VTI1B: variants seen among roughly 807,000 people sequenced by gnomAD.
VTI1B encodes vesicle transport through interaction with t-SNAREs homolog 1B.
VTI1B carries 18 observed loss-of-function variants against 28.6 expected under a neutral mutation model. The observed-to-expected ratio is 0.63, with a 90% CI of 0.43 to 0.93. The LOEUF (loss-of-function observed/expected upper bound fraction) is 0.93, where lower values mean the gene tolerates loss of function less well. VTI1B is among the 40% of genes least tolerant of loss of function. VTI1B has a pLI of 0.00. For missense variants in VTI1B, 283 were observed against 297.0 expected, an observed-to-expected ratio of 0.95 and a Z score of 0.35; for synonymous variants, 100 against 107.9, an observed-to-expected ratio of 0.93 and a Z score of 0.46.
chr14:67,657,496 C>T (rs2037273246), intron 3 of VTI1B, among the ~76,000 whole-genome samples: 1 of 152,106 alleles, frequency 6.6e-6, no homozygotes, highest in African/African-American at 2.4e-5. Context: ...TAAATACAGA[C>T]AGCAGGAAGA....
chr14:67,660,582 TCTC>T (rs2140824301), intron 2 of VTI1B, among the ~76,000 whole-genome samples: 1 of 152,318 alleles, frequency 6.6e-6, no homozygotes, highest in East Asian at 1.9e-4. Flanking sequence ...GTTCTTCCCT[TCTC>T]CTGCTCCTCT....
chr14:67,673,011 G>A (rs560843740), intron 1 of VTI1B, among the ~76,000 whole-genome samples: 1 of 152,160 alleles, frequency 6.6e-6, no homozygotes, highest in South Asian at 2.1e-4. Context: ...ACTTCTCCCT[G>A]ATTTCTGGTT....
intron 1 of VTI1B, among the ~76,000 whole-genome samples, chr14:67,664,487 A>G (rs183675473): frequency 7.9e-6 from 1 of 125,816 alleles, no homozygotes; most frequent in East Asian, 2.3e-4. Flanking sequence ...ACTTCCACCA[A>G]CTAAAGAGCA....
intron 1 of VTI1B, among the ~76,000 whole-genome samples, chr14:67,668,803 T>G (rs1046031935): frequency 2.6e-5 from 4 of 152,184 alleles, no homozygotes; most frequent in African/African-American, 7.2e-5. Flanking sequence ...GCCTGAGAAT[T>G]TGCATTTCTA....
intron 3 of VTI1B, among the ~76,000 whole-genome samples, chr14:67,657,362 T>G (rs571977717): frequency 6.6e-6 from 1 of 152,298 alleles, no homozygotes; most frequent in South Asian, 2.1e-4. Flanking sequence ...CCTGCCACAC[T>G]GGGGGTGATT....
At chr14:67,653,614 C>A in intron 4 of VTI1B, 116 bp from the exon 5 acceptor site, 1 of 887,668 alleles carries the variant, frequency 1.1e-6, no homozygotes, top group South Asian at 1.7e-5. Flanking sequence ...TCCAAGAAAT[C>A]AAGCCAATTT....
Position 67,647,972 on chromosome 14 carries a change from C to T in VTI1B, c.*3413G>A. 7.1e-7 allele frequency: 1 copy of T among 1,406,186 alleles called. No individual in the cohort carries two copies. Among genetic ancestry groups the T allele is most frequent in the Non-Finnish European group, 9.7e-7 (1 of 1,027,670 alleles). 87.1% of individuals were successfully genotyped at this position (1,406,186 alleles called of 1,614,324 possible). ...AGCAACAAAATCAAGGAGTTGCAACCATAAGAAGGATGAGTGTCCAAGGAC... is the reference window on the plus strand; with the variant it reads ...AGCAACAAAATCAAGGAGTTGCAACTATAAGAAGGATGAGTGTCCAAGGAC... On this transcript the variant is annotated 3_prime_UTR_variant, in exon 6 of 6. Transcript: ENST00000554659.
chr14:67,657,659 G>A (rs1403021781), intron 3 of VTI1B, among the ~76,000 whole-genome samples: 3 of 151,750 alleles, frequency 2.0e-5, no homozygotes, highest in African/African-American at 7.3e-5. Context: ...CAGAGGCCTA[G>A]TACAGAGCAA....
intron 1 of VTI1B, among the ~76,000 whole-genome samples, chr14:67,670,119 G>C (rs2037448415): frequency 6.6e-6 from 1 of 152,126 alleles, no homozygotes; most frequent in African/African-American, 2.4e-5. Context: ...ATTCCCGTTA[G>C]CAAGGTGACT....
chr14:67,672,004 CAT>C (rs1408447926), intron 1 of VTI1B, among the ~76,000 whole-genome samples: 1 of 152,152 alleles, frequency 6.6e-6, no homozygotes, highest in Non-Finnish European at 1.5e-5. Flanking sequence ...ACATTCAAAC[CAT>C]AGTAATAATG....
In VTI1B at chr14:67,671,022, ATG is replaced by A. The variant is rs376295641; in HGVS notation, c.115+3351_115+3352del. ...GCATTAAAGCTCTGAAAACTTTATGATGTGGTCTCTGAACTAGAAAAAGAGGA... is the reference window on the plus strand; with the variant it reads ...GCATTAAAGCTCTGAAAACTTTATGATGGTCTCTGAACTAGAAAAAGAGGA... On this transcript the variant is annotated intron_variant, in intron 1 of 5. Transcript: ENST00000554659. Among the ~76,000 whole-genome samples, 46 of 152,340 alleles carry A rather than the reference ATG, an allele frequency of 3.0e-4. 1 individual carries two copies. The highest frequency in any genetic ancestry group is 1.1e-3 in the African/African-American group (45 of 41,572).
At position 67,662,551 on chromosome 14, in the gene VTI1B, A is replaced by ATC; in HGVS notation, c.116-17_116-16insGA. 6.2e-7 allele frequency: 1 copy of ATC among 1,601,528 alleles called. No individual in the cohort carries two copies. The highest frequency in any genetic ancestry group is 8.5e-7 in the Non-Finnish European group (1 of 1,171,806). ...TTCTTTTCTTCTAGAAAAGATAGAT[A>ATC]AGTTTCAAATGCTTATTACTGTTTC... is the stretch of plus-strand genomic sequence containing the variant. On this transcript the variant is annotated splice_polypyrimidine_tract_variant and intron_variant, in intron 1 of 5. Transcript: ENST00000554659.
chr14:67,662,902 C>CAAAAA (rs11437880), intron 1 of VTI1B: 76 of 899,604 alleles, frequency 8.4e-5, no homozygotes, highest in Middle Eastern at 9.6e-4. Context: ...GACTCTGTCT[C>CAAAAA]AAAAAAAAAA....
Position 67,648,001 on chromosome 14 carries a change from C to T in VTI1B, c.*3384G>A. On this transcript the variant is annotated 3_prime_UTR_variant, in exon 6 of 6. Coordinates refer to ENST00000554659, the MANE Select transcript of VTI1B (RefSeq NM_006370.3). The stretch of plus-strand genomic sequence containing the variant: ...AGAAGGATGAGTGTCCAAGGACAAC[C>T]AGTTAAGTATTATTTTAAGTATTAT... The T allele has an allele frequency of 6.6e-7, 1 of 1,524,332 alleles. No individual in the cohort carries two copies. The highest frequency in any genetic ancestry group is 8.9e-7 in the Non-Finnish European group (1 of 1,123,146). 94.4% of individuals were successfully genotyped at this position (1,524,332 alleles called of 1,614,324 possible).
chr14:67,650,906 C>G lies in VTI1B; in HGVS notation c.*479G>C. The stretch of plus-strand genomic sequence containing the variant: ...ACCAGATGAATCAGAAAATCAAGCA[C>G]GTGTGAGAATTTAGGAGACACTGTG... On this transcript the variant is annotated 3_prime_UTR_variant, in exon 6 of 6. Transcript: ENST00000554659. 1 of 1,614,052 alleles carries G rather than the reference C, an allele frequency of 6.2e-7. No individual in the cohort carries two copies. The highest frequency in any genetic ancestry group is 8.5e-7 in the Non-Finnish European group (1 of 1,179,974).
At chr14:67,662,844 A>G (rs182076293) in intron 1 of VTI1B, among the ~76,000 whole-genome samples, 23 of 151,118 alleles carry the variant, frequency 1.5e-4, no homozygotes, top group Non-Finnish European at 2.4e-4. Context: ...TGGAAGTGGC[A>G]ATGAGCCGAG....
intron 3 of VTI1B, among the ~76,000 whole-genome samples, chr14:67,658,577 A>G (rs2140818538): frequency 1.3e-5 from 2 of 152,316 alleles, no homozygotes; most frequent in South Asian, 4.1e-4. Flanking sequence ...AGCCTGGGTG[A>G]CAGAGCGAGA....
At position 67,674,591 on chromosome 14, in the gene VTI1B, G is replaced by GCCGCACCA. The variant is rs975789587; in HGVS notation, c.-110_-103dup. Reference sequence around the variant, plus strand: ...CAGCCCAGTGGCCATAACGGCGACCGCCGCACCACCGCCGCCCAGGACGAG... The same window carrying GCCGCACCA: ...CAGCCCAGTGGCCATAACGGCGACCGCCGCACCACCGCACCACCGCCGCCCAGGACGAG... On this transcript the variant is annotated 5_prime_UTR_variant, in exon 1 of 6. Transcript: ENST00000554659. The GCCGCACCA allele has an allele frequency of 1.4e-5, 13 of 946,748 alleles. No homozygotes were observed. In the African/African-American group the frequency reaches 2.1e-4, roughly 15 times the overall value. The allele number at this position is 946,748 out of a possible 1,614,324, so 58.6% of individuals were successfully genotyped here.
chr14:67,669,549 G>A (rs890912415), intron 1 of VTI1B, among the ~76,000 whole-genome samples: 21 of 148,338 alleles, frequency 1.4e-4, no homozygotes, highest in Non-Finnish European at 2.1e-4. Context: ...TTACAGGCAC[G>A]AGCCACCACA....
Sources: gnomAD v4.1 joint callset for allele counts (sites outside exome capture counted in the v4.1 genomes callset) on GRCh38, gnomAD v4.1.1 for gene constraint, MANE v1.5 for transcripts, NCBI Gene and HGNC (gene_info 2026-07-23, HGNC 2026-07-21) for gene names.